Variants in INPP1 observed in about 807,000 individuals in gnomAD.
The protein encoded by INPP1 is inositol polyphosphate 1-phosphatase.
In INPP1, 18 loss-of-function variants were observed where a neutral mutation model predicts 23.0. That is an observed-to-expected ratio of 0.78 (90% confidence interval 0.54 to 1.16). The LOEUF (loss-of-function observed/expected upper bound fraction) is 1.16, where lower values mean the gene tolerates loss of function less well. INPP1 is among the 50% of genes most tolerant of loss of function. INPP1 has a pLI of 0.00. For missense variants in INPP1, 448 were observed against 482.1 expected (o/e 0.93, Z 0.66); for synonymous variants, 164 against 176.3 (o/e 0.93, Z 0.55).
At position 190,360,100 on chromosome 2, in the gene INPP1, G is replaced by T. The variant is rs756481569; in HGVS notation, c.-3G>T. On this transcript the variant is annotated 5_prime_UTR_variant, in exon 3 of 7. Transcript: ENST00000392329. ...AGCTGCAACTGAAAAGCAAGGTTCA[G>T]AAATGTCAGATATCCTCCGGGAGCT... 1.0e-4 allele frequency: 166 copies of T among 1,612,428 alleles called. No individual in the cohort carries two copies. Among genetic ancestry groups the T allele is most frequent in the Non-Finnish European group, 1.4e-4 (165 of 1,179,888 alleles).
chr2:190,362,150 G>A (rs1012452706), intron 3 of INPP1, among the ~76,000 whole-genome samples: 5 of 152,048 alleles, frequency 3.3e-5, no homozygotes, highest in African/African-American at 9.7e-5. Flanking sequence ...GGAAACAAAC[G>A]CCTGAAAATA....
In INPP1 at chr2:190,362,696, A is replaced by G. The variant is rs371154685; in HGVS notation, c.265+9A>G. The stretch of plus-strand genomic sequence containing the variant: ...GTTTACTAATGACTGGGGTAAGTAT[A>G]AGAATCTTAATGTGTCTTTGTAATT... On this transcript the variant is annotated intron_variant, in intron 4 of 6. Transcript: ENST00000392329. The G allele has an allele frequency of 3.9e-6, 6 of 1,533,464 alleles. No homozygotes were observed. Among genetic ancestry groups the G allele is most frequent in the Admixed American group, 1.7e-5 (1 of 57,474 alleles). The allele number at this position is 1,533,464 out of a possible 1,614,324, so 95.0% of individuals were successfully genotyped here. A position where few individuals can be genotyped will look rare whatever the true frequency, so the allele number is the denominator to read the frequency against.
intron 6 of INPP1, among the ~76,000 whole-genome samples, 157 bp downstream of exon 6, chr2:190,369,434 A>G (rs1051494238): frequency 2.6e-5 from 4 of 152,222 alleles, no homozygotes; most frequent in Non-Finnish European, 4.4e-5. Context: ...TTCTATTTTC[A>G]ATCTTGGATT....
rs998222357 is a variant in INPP1 at position 190,355,694 on chromosome 2, A to G, written c.-64-4345A>G. Among the ~76,000 whole-genome samples, 1 of 152,218 alleles carries G rather than the reference A, an allele frequency of 6.6e-6. No homozygotes were observed. The highest frequency in any genetic ancestry group is 1.5e-5 in the Non-Finnish European group (1 of 68,034). On this transcript the variant is annotated intron_variant, in intron 2 of 6. Transcript: ENST00000392329. The surrounding 1 kb of genome is among the most constrained non-coding windows in gnomAD (Gnocchi z 5.1). ...CTATTAAATTATGGTAAATGCCATA[A>G]CTTACTAATCATAAGTCTATAATAA...
intron 2 of INPP1, chr2:190,359,738 G>T (rs996298978): frequency 3.7e-6 from 1 of 267,312 alleles, no homozygotes. Flanking sequence ...CATTGTGCTT[G>T]TGTGTCCATC....
At chr2:190,359,195 G>A (rs904177918) in intron 2 of INPP1, among the ~76,000 whole-genome samples, 1 of 152,158 alleles carries the variant, frequency 6.6e-6, no homozygotes, top group Non-Finnish European at 1.5e-5. Flanking sequence ...AGCTACTCAG[G>A]AGGCTGAGGT....
rs1403263037 is a variant in INPP1 at position 190,345,337 on chromosome 2, T to C, written c.-209+1376T>C. Among the ~76,000 whole-genome samples, 3 of 152,204 alleles carry C rather than the reference T, an allele frequency of 2.0e-5. No individual in the cohort carries two copies. ...GATATACCTTATTATAGATTTAAAT[T>C]ATAGCTTTCCTTGTTATAGTCCTGA... On this transcript the variant is annotated intron_variant, in intron 1 of 6. Coordinates refer to ENST00000392329, the MANE Select transcript of INPP1 (RefSeq NM_001128928.2). The surrounding 1 kb of genome is among the most constrained non-coding windows in gnomAD (Gnocchi z 4.9).
chr2:190,353,067 G>T, intron 2 of INPP1, among the ~76,000 whole-genome samples: 1 of 152,256 alleles, frequency 6.6e-6, no homozygotes, highest in East Asian at 1.9e-4. Flanking sequence ...GCTTTGACCC[G>T]CTTGCCTATT....
chr2:190,359,328 G>A (rs1689485735), intron 2 of INPP1, among the ~76,000 whole-genome samples: 1 of 151,816 alleles, frequency 6.6e-6, no homozygotes, highest in Non-Finnish European at 1.5e-5. Flanking sequence ...AAAGGTGCTA[G>A]CTGGTCTGGT....
chr2:190,366,165 C>T (rs372352966), intron 4 of INPP1, among the ~76,000 whole-genome samples: 16 of 86,696 alleles, frequency 1.8e-4, no homozygotes, highest in African/African-American at 6.0e-4. Flanking sequence ...CTGTCTCTCT[C>T]GCTCTTTGTC....
intron 3 of INPP1, 21 bp from the exon 4 acceptor site, chr2:190,362,606 G>T (rs772596667): frequency 6.4e-7 from 1 of 1,562,676 alleles, no homozygotes; most frequent in South Asian, 1.2e-5. Context: ...TTTGTTTTTC[G>T]TCATACTCTG....
Position 190,363,639 on chromosome 2 carries a change from TTA to T in INPP1, c.265+953_265+954del, listed in dbSNP as rs570977124. Reference sequence around the variant, plus strand: ...TTTCTAGATTAACTCTGAAAATTTTTTAGTCTCCTTCATGCACCACATATTAA... The same window carrying T: ...TTTCTAGATTAACTCTGAAAATTTTTGTCTCCTTCATGCACCACATATTAA... On this transcript the variant is annotated intron_variant, in intron 4 of 6. Transcript: ENST00000392329. The surrounding 1 kb of genome is among the most constrained non-coding windows in gnomAD (Gnocchi z 4.4). 1.7e-3 allele frequency among the ~76,000 whole-genome samples: 253 copies of T among 152,322 alleles called. 4 individuals carry two copies. Among genetic ancestry groups the T allele is most frequent in the Admixed American group, 0.016 (246 of 15,302 alleles).
intron 2 of INPP1, among the ~76,000 whole-genome samples, chr2:190,349,424 C>T (rs528042242): frequency 2.1e-4 from 32 of 152,112 alleles, no homozygotes; most frequent in Admixed American, 4.6e-4. Flanking sequence ...GTGATGGAAG[C>T]GAAACCCTGT....
Position 190,354,034 on chromosome 2 carries a change from T to C in INPP1, c.-65+5003T>C, listed in dbSNP as rs894745048. Among the ~76,000 whole-genome samples, 4 of 152,236 alleles carry C rather than the reference T, an allele frequency of 2.6e-5. No individual in the cohort carries two copies. The highest frequency in any genetic ancestry group is 9.6e-5 in the African/African-American group (4 of 41,460). ...TTGTGACACAATTTTATGTTAAACA[T>C]ATAGATACGTACATTTGGTTTGAGA... On this transcript the variant is annotated intron_variant, in intron 2 of 6. Coordinates refer to ENST00000392329, the MANE Select transcript of INPP1 (RefSeq NM_001128928.2). This position sits in a 1 kb window ranked among gnomAD's most constrained non-coding sequence, Gnocchi z 4.8.
In INPP1 at chr2:190,352,196, A is replaced by G. The variant is rs1475081866; in HGVS notation, c.-65+3165A>G. Among the ~76,000 whole-genome samples the G allele has an allele frequency of 6.6e-6, 1 of 152,200 alleles. No individual in the cohort carries two copies. Among genetic ancestry groups the G allele is most frequent in the Non-Finnish European group, 1.5e-5 (1 of 68,044 alleles). ...AGAAAGCAGGAAGAAGGGCGTGTCA[A>G]CCAGAGGGAGCAGCATGTGCAAATT... On this transcript the variant is annotated intron_variant, in intron 2 of 6. Coordinates refer to ENST00000392329, the MANE Select transcript of INPP1 (RefSeq NM_001128928.2). The surrounding 1 kb of genome is among the most constrained non-coding windows in gnomAD (Gnocchi z 4.7).
intron 2 of INPP1, among the ~76,000 whole-genome samples, chr2:190,357,001 T>C (rs1689431125): frequency 2.0e-5 from 3 of 152,260 alleles, no homozygotes; most frequent in African/African-American, 7.2e-5. Context: ...ATGTCATATA[T>C]GCCATCAATT....
Position 190,370,809 on chromosome 2 carries a change from G to A in INPP1, c.642-35G>A, listed in dbSNP as rs1689785472. On this transcript the variant is annotated intron_variant, in intron 6 of 6. Transcript: ENST00000392329. The stretch of plus-strand genomic sequence containing the variant: ...GACATGAGTAATGAAAAACAAATGT[G>A]ATAATCATCACCAATTGAAATTTTT... 5 of 1,475,192 alleles carry A rather than the reference G, an allele frequency of 3.4e-6. No homozygotes were observed. In the East Asian group the frequency reaches 1.1e-4, roughly 34 times the overall value. The allele number at this position is 1,475,192 out of a possible 1,614,324, so 91.4% of individuals were successfully genotyped here. A position where few individuals can be genotyped will look rare whatever the true frequency, so the allele number is the denominator to read the frequency against.
Position 190,352,144 on chromosome 2 carries a change from C to G in INPP1, c.-65+3113C>G, listed in dbSNP as rs1689335329. Among the ~76,000 whole-genome samples, 1 of 152,130 alleles carries G rather than the reference C, an allele frequency of 6.6e-6. No homozygotes were observed. The highest frequency in any genetic ancestry group is 2.1e-4 in the South Asian group (1 of 4,826). ...CAAGCTTCTTGCCCTTGAACTGATT[C>G]TGAGAAGGTGAGTGAGCATTAGGTC... is the stretch of plus-strand genomic sequence containing the variant. On this transcript the variant is annotated intron_variant, in intron 2 of 6. Transcript: ENST00000392329. The surrounding 1 kb of genome is among the most constrained non-coding windows in gnomAD (Gnocchi z 4.7).
At chr2:190,360,375 C>A in intron 3 of INPP1, 69 bp downstream of exon 3, 3 of 1,406,252 alleles carry the variant, frequency 2.1e-6, no homozygotes, top group South Asian at 1.2e-5. Flanking sequence ...CATAGAATAG[C>A]ATGCCTTTTG....
Sources: gnomAD v4.1 joint callset for allele counts (sites outside exome capture counted in the v4.1 genomes callset) on GRCh38, gnomAD v4.1.1 for gene constraint, Gnocchi (gnomAD v3.1) non-coding constraint, MANE v1.5 for transcripts, NCBI Gene and HGNC (gene_info 2026-07-23, HGNC 2026-07-21) for gene names.